The following CYTL1 variants were observed in gnomAD, a reference collection of about 807,000 sequenced individuals.
The protein encoded by CYTL1 is cytokine like 1.
CYTL1 carries 17 observed loss-of-function variants against 13.1 expected under a neutral mutation model. That is an observed-to-expected ratio of 1.29 (90% CI 0.89 to 1.94). CYTL1 has a LOEUF of 1.94. CYTL1 is among the 30% of genes most tolerant of loss of function. The pLI is 0.00. For synonymous variants in CYTL1, 91 were observed against 79.4 expected, an observed-to-expected ratio of 1.15 and a Z score of -0.78; for missense variants, 213 against 174.8, an observed-to-expected ratio of 1.22 and a Z score of -1.23.
Position 5,016,907 on chromosome 4 carries a change from C to A in CYTL1, c.256G>T (p.Val86Leu), listed in dbSNP as rs1741086329. The change falls in exon 3 of 4, where the codon GTG (valine) becomes TTG (leucine). Residue 86 changes from valine to leucine, a missense_variant. Physicochemically the swap from Val to Leu is conservative, Grantham distance 32. Transcript: ENST00000307746. ...DFVASPPCWK[V>L]AQVDSLKDKA... The stretch of plus-strand genomic sequence containing the variant: ...TCCTTCAAGGAATCTACCTGGGCCA[C>A]TTTCCAACACGGGGGCGAGGCCACA... 14 of 1,614,234 alleles carry A rather than the reference C, an allele frequency of 8.7e-6. No individual in the cohort carries two copies. The highest frequency in any genetic ancestry group is 1.2e-5 in the Non-Finnish European group (14 of 1,180,050).
Position 5,019,438 on chromosome 4 carries a change from G to C in CYTL1, c.8C>G (p.Thr3Arg). 1 of 1,470,232 alleles carries C rather than the reference G, an allele frequency of 6.8e-7. No individual in the cohort carries two copies. Among genetic ancestry groups the C allele is most frequent in the Non-Finnish European group, 8.9e-7 (1 of 1,118,496 alleles). 91.1% of individuals were successfully genotyped at this position (1,470,232 alleles called of 1,614,324 possible). ...CAGCAGCACGGGCAGAGGCCCAGGCGTCCTCATGGTGCCAGGCGCTGGTGC... is the reference window on the plus strand; with the variant it reads ...CAGCAGCACGGGCAGAGGCCCAGGCCTCCTCATGGTGCCAGGCGCTGGTGC... The part of the protein sequence containing the change: MR[T>R]PGPLPVLLLL... The change falls in exon 1 of 4, where the codon ACG (threonine) becomes AGG (arginine). Residue 3 changes from threonine (T) to arginine (R), a missense_variant. Coordinates refer to ENST00000307746, the MANE Select transcript of CYTL1 (RefSeq NM_018659.3).
chr4:5,016,642 A>G (rs576199086), intron 3 of CYTL1, among the ~76,000 whole-genome samples, 194 bp downstream of exon 3: 63 of 152,204 alleles, frequency 4.1e-4, no homozygotes, highest in African/African-American at 1.5e-3. Context: ...ATGGAGACAA[A>G]GGGCCTTGTC....
At chr4:5,015,780 C>T (rs1741059736) in intron 3 of CYTL1, among the ~76,000 whole-genome samples, 1 of 152,182 alleles carries the variant, frequency 6.6e-6, no homozygotes, top group Non-Finnish European at 1.5e-5. Flanking sequence ...TTACTCTGGG[C>T]TAGGCATGGT....
At chr4:5,018,640 G>A (rs1021219791) in intron 1 of CYTL1, among the ~76,000 whole-genome samples, 2 of 152,196 alleles carry the variant, frequency 1.3e-5, no homozygotes, top group African/African-American at 2.4e-5. Flanking sequence ...TGAGTCCCCA[G>A]ATCTGCCTCT....
Position 5,015,201 on chromosome 4 carries a change from A to G in CYTL1, c.361T>C (p.Leu121=). ...GTAGTCACTGGGATTGGGTATTCCA[A>G]GGCATTGCAGTCATCCAACAGGAAT... ...LVFLLDDCNA[L]EYPIPVTTVL... The change falls in exon 4 of 4, where the codon TTG becomes CTG. Residue 121 remains leucine, a synonymous_variant. Transcript: ENST00000307746. The G allele has an allele frequency of 6.2e-7, 1 of 1,613,912 alleles. No homozygotes were observed. Among genetic ancestry groups the G allele is most frequent in the Non-Finnish European group, 8.5e-7 (1 of 1,179,910 alleles).
At chr4:5,018,947 C>T (rs1170198353) in intron 1 of CYTL1, among the ~76,000 whole-genome samples, 1 of 150,450 alleles carries the variant, frequency 6.6e-6, no homozygotes, top group Non-Finnish European at 1.5e-5. Flanking sequence ...TCCTCCTTAA[C>T]TCTGATGGGG....
intron 1 of CYTL1, among the ~76,000 whole-genome samples, chr4:5,017,437 C>G (rs899110030): frequency 3.9e-5 from 6 of 152,112 alleles, no homozygotes; most frequent in Non-Finnish European, 7.4e-5. Context: ...TATGCATACC[C>G]ATTCAGAAAT....
In CYTL1 at chr4:5,014,695, A is replaced by T. The variant is rs1237789423; in HGVS notation, c.*456T>A. Reference sequence around the variant, plus strand: ...ATCTTAAGAGCATTAATTTCTTTTTAAATGAAAGACAGTGAAGAAAGTCTG... The same window carrying T: ...ATCTTAAGAGCATTAATTTCTTTTTTAATGAAAGACAGTGAAGAAAGTCTG... On this transcript the variant is annotated 3_prime_UTR_variant, in exon 4 of 4. Coordinates refer to ENST00000307746, the MANE Select transcript of CYTL1 (RefSeq NM_018659.3). 2.7e-5 allele frequency: 5 copies of T among 185,910 alleles called. No homozygotes were observed. The highest frequency in any genetic ancestry group is 5.5e-5 in the Non-Finnish European group (5 of 91,708). The allele number at this position is 185,910 out of a possible 1,614,324, so 11.5% of individuals were successfully genotyped here. A position where few individuals can be genotyped will look rare whatever the true frequency, so the allele number is the denominator to read the frequency against.
At chr4:5,016,309 C>T (rs1031415823) in intron 3 of CYTL1, among the ~76,000 whole-genome samples, 1 of 152,146 alleles carries the variant, frequency 6.6e-6, no homozygotes, top group African/African-American at 2.4e-5. Flanking sequence ...ATAACTGACC[C>T]AGTCTGTGGT....
At chr4:5,016,098 C>A (rs1260990294) in intron 3 of CYTL1, among the ~76,000 whole-genome samples, 1 of 152,178 alleles carries the variant, frequency 6.6e-6, no homozygotes, top group Non-Finnish European at 1.5e-5. Context: ...GGATTAACGT[C>A]ACTACCTTGG....
At chr4:5,018,859 G>A (rs2108734623) in intron 1 of CYTL1, among the ~76,000 whole-genome samples, 1 of 152,302 alleles carries the variant, frequency 6.6e-6, no homozygotes, top group South Asian at 2.1e-4. Flanking sequence ...GAGGGGCGGA[G>A]GCCAGTTCTG....
chr4:5,017,039 A>G lies in CYTL1; in HGVS notation c.199-75T>C, dbSNP rs1741090186. On this transcript the variant is annotated intron_variant, in intron 2 of 3. Transcript: ENST00000307746. ...AGGAACAGGGACTGAGCTGCATAAG[A>G]TCTCTCCCTGACTCTGTGCCACACA... The G allele has an allele frequency of 3.7e-6, 6 of 1,607,004 alleles. No individual in the cohort carries two copies. The Admixed American group carries it at 8.4e-5, about 22-fold the overall frequency.
intron 3 of CYTL1, among the ~76,000 whole-genome samples, chr4:5,015,848 G>A (rs1177329773): frequency 6.6e-6 from 1 of 152,156 alleles, no homozygotes; most frequent in Non-Finnish European, 1.5e-5. Flanking sequence ...GGGAGTTACT[G>A]CAGTGCCCAC....
chr4:5,016,699 T>G, intron 3 of CYTL1, 137 bp downstream of exon 3: 1 of 1,109,248 alleles, frequency 9.0e-7, no homozygotes, highest in Middle Eastern at 2.2e-4. Context: ...GAAAGGGCTT[T>G]GTGAACTGAA....
intron 1 of CYTL1, 62 bp downstream of exon 1, chr4:5,019,231 A>T: frequency 7.7e-7 from 1 of 1,292,498 alleles, no homozygotes; most frequent in Non-Finnish European, 1.0e-6. Flanking sequence ...TTTCGTGTAA[A>T]GGCAAGGGTT....
In CYTL1 at chr4:5,014,958, G is replaced by A; in HGVS notation, c.*193C>T. 1.7e-6 allele frequency: 1 copy of A among 594,270 alleles called. No individual in the cohort carries two copies. The highest frequency in any genetic ancestry group is 3.0e-6 in the Non-Finnish European group (1 of 333,796). The allele number at this position is 594,270 out of a possible 1,614,324, so 36.8% of individuals were successfully genotyped here. Reference sequence around the variant, plus strand: ...CATGAGTCAAGGGAATGAGAAGCATGGTTGCTAACTCTATGCTCAAAGGAG... The same window carrying A: ...CATGAGTCAAGGGAATGAGAAGCATAGTTGCTAACTCTATGCTCAAAGGAG... On this transcript the variant is annotated 3_prime_UTR_variant, in exon 4 of 4. Coordinates refer to ENST00000307746, the MANE Select transcript of CYTL1 (RefSeq NM_018659.3).
Position 5,019,438 on chromosome 4 carries a change from G to A in CYTL1, c.8C>T (p.Thr3Met), listed in dbSNP as rs1352782085. Reference sequence around the variant, plus strand: ...CAGCAGCACGGGCAGAGGCCCAGGCGTCCTCATGGTGCCAGGCGCTGGTGC... The same window carrying A: ...CAGCAGCACGGGCAGAGGCCCAGGCATCCTCATGGTGCCAGGCGCTGGTGC... MR[T>M]PGPLPVLLLL... is the part of the protein sequence containing the mutation. The change falls in exon 1 of 4, where the codon ACG (threonine) becomes ATG (methionine). Residue 3 changes from threonine to methionine, a missense_variant. Transcript: ENST00000307746. 2 of 1,470,230 alleles carry A rather than the reference G, an allele frequency of 1.4e-6. No homozygotes were observed. Among genetic ancestry groups the A allele is most frequent in the Middle Eastern group, 2.3e-4 (1 of 4,374 alleles). The allele number at this position is 1,470,230 out of a possible 1,614,324, so 91.1% of individuals were successfully genotyped here.
In CYTL1 at chr4:5,015,332, T is replaced by C. The variant is rs1741050115; in HGVS notation, c.328-98A>G. ...TTGGTTATCCTCAAAGGCCATTCAG[T>C]TGTTCCTCTTTCTGTAAAAACTTCC... On this transcript the variant is annotated intron_variant, in intron 3 of 3. Coordinates refer to ENST00000307746, the MANE Select transcript of CYTL1 (RefSeq NM_018659.3). The C allele has an allele frequency of 3.3e-6, 3 of 903,706 alleles. No homozygotes were observed. In the East Asian group the frequency reaches 8.1e-5, roughly 25 times the overall value. 56.0% of individuals were successfully genotyped at this position (903,706 alleles called of 1,614,324 possible). A position where few individuals can be genotyped will look rare whatever the true frequency, so the allele number is the denominator to read the frequency against.
intron 3 of CYTL1, 22 bp from the exon 4 acceptor site, chr4:5,015,256 C>A (rs772365669): frequency 6.2e-7 from 1 of 1,600,308 alleles, no homozygotes; most frequent in South Asian, 1.1e-5. Context: ...GTGCAATGAG[C>A]AGGAAAGTTA....
Sources: gnomAD v4.1 joint callset for allele counts (sites outside exome capture counted in the v4.1 genomes callset) on GRCh38, gnomAD v4.1.1 for gene constraint, MANE v1.5 for transcripts, NCBI Gene and HGNC (gene_info 2026-07-23, HGNC 2026-07-21) for gene names.